Variants in PLD2 observed in about 807,000 individuals in gnomAD.
PLD2 encodes the protein phospholipase D2.
A neutral mutation model predicts 119.8 loss-of-function variants in PLD2; 101 were observed. The ratio of observed to expected loss-of-function variants is 0.84; its 90% CI spans 0.72 to 0.99. The LOEUF (loss-of-function observed/expected upper bound fraction) is 0.99. Among genes scored for constraint, PLD2 ranks in the 50% least tolerant of loss-of-function variants. The pLI is 0.00. For synonymous variants in PLD2, 494 were observed against 482.8 expected (o/e 1.02, Z -0.30); for missense variants, 1,164 against 1,226.8 (o/e 0.95, Z 0.76).
intron 17 of PLD2, 178 bp downstream of exon 17, chr17:4,817,437 C>T (rs1219053143): frequency 1.5e-5 from 9 of 606,152 alleles, no homozygotes; most frequent in East Asian, 2.8e-5. Context: ...CCAAGGCAGG[C>T]GGATCACAAG....
chr17:4,817,084 G>A, intron 16 of PLD2, 29 bp downstream of exon 16: 3 of 1,607,280 alleles, frequency 1.9e-6, no homozygotes, highest in Non-Finnish European at 1.7e-6. Flanking sequence ...AGGGGCTGGA[G>A]GTAGGGAGGG....
chr17:4,814,563 G>C, intron 11 of PLD2, 62 bp downstream of exon 11: 5 of 1,612,948 alleles, frequency 3.1e-6, no homozygotes, highest in Non-Finnish European at 4.2e-6. Context: ...ATCAGCATTA[G>C]GAGGAGAAGG....
chr17:4,811,008 A>G (rs1906408195), intron 10 of PLD2, 57 bp downstream of exon 10: 1 of 1,519,562 alleles, frequency 6.6e-7, no homozygotes, highest in Non-Finnish European at 8.9e-7. Flanking sequence ...CCCCTGTGTA[A>G]TCTCTGAGTC....
chr17:4,812,237 C>T (rs547899747), intron 10 of PLD2, among the ~76,000 whole-genome samples: 3 of 151,982 alleles, frequency 2.0e-5, no homozygotes, highest in African/African-American at 4.8e-5. Flanking sequence ...CTGCCTCAGC[C>T]TCCCAAGTAG....
At chr17:4,820,587 T>C (rs868114409) in intron 23 of PLD2, among the ~76,000 whole-genome samples, 9 of 143,228 alleles carry the variant, frequency 6.3e-5, no homozygotes, top group African/African-American at 2.3e-4. Context: ...TTTTTTTTTC[T>C]TTTTTTTTGA....
chr17:4,816,840 G>A, intron 15 of PLD2, 94 bp downstream of exon 15: 2 of 1,586,260 alleles, frequency 1.3e-6, no homozygotes, highest in Non-Finnish European at 8.6e-7. Flanking sequence ...GGTCAACGGT[G>A]GTACAGCCCT....
rs1249418003 is a variant in PLD2 at position 4,817,219 on chromosome 17, TC to T, written c.1779del (p.Phe594SerfsTer61). On this transcript the variant is annotated frameshift_variant, in exon 17 of 25. Coordinates refer to ENST00000263088, the MANE Select transcript of PLD2 (RefSeq NM_002663.5). LOFTEE classifies it high-confidence loss of function. ...LPKSTSTANQLPFTLPGGQCT... is the reference protein window; with the variant it reads ...LPKSTSTANQXPFTLPGGQCT... ...AAGTCTACCAGCACGGCCAATCAGC[TC>T]CCCTTCACACTTCCAGGAGGGCAGT... 5.6e-6 allele frequency: 9 copies of T among 1,613,270 alleles called. No individual in the cohort carries two copies. In the Admixed American group the frequency reaches 8.3e-5, roughly 15 times the overall value.
intron 10 of PLD2, among the ~76,000 whole-genome samples, chr17:4,811,661 G>A (rs907308498): frequency 2.0e-5 from 3 of 152,172 alleles, no homozygotes; most frequent in Non-Finnish European, 2.9e-5. Flanking sequence ...TGATCAAATC[G>A]TGAAACAATG....
chr17:4,813,688 G>A (rs939514358), intron 10 of PLD2, among the ~76,000 whole-genome samples: 3 of 151,564 alleles, frequency 2.0e-5, no homozygotes, highest in East Asian at 2.0e-4. Flanking sequence ...GCAAAAACCC[G>A]TCTCTACTAA....
In PLD2 at chr17:4,809,359, C is replaced by T. The variant is rs1338742757; in HGVS notation, c.551C>T (p.Ala184Val). Reference protein sequence around the residue: ...LTMSFYRNYHAMTEFLEVSQL... With the variant: ...LTMSFYRNYHVMTEFLEVSQL... ...ATGTCTTTCTATCGCAACTACCATG[C>T]CATGGTAAGGTCCAGGGGCCGATTT... Residue 184 changes from alanine to valine, a missense_variant, in exon 6 of 25, where the codon GCC becomes GTC. Coordinates refer to ENST00000263088, the MANE Select transcript of PLD2 (RefSeq NM_002663.5). 4 of 1,612,724 alleles carry T rather than the reference C, an allele frequency of 2.5e-6. No homozygotes were observed. The highest frequency in any genetic ancestry group is 1.1e-5 in the South Asian group (1 of 91,070).
In PLD2 at chr17:4,822,842, T is replaced by C; in HGVS notation, c.2780T>C (p.Ile927Thr). The C allele has an allele frequency of 8.7e-6, 14 of 1,608,198 alleles. No individual in the cohort carries two copies. The highest frequency in any genetic ancestry group is 1.2e-5 in the Non-Finnish European group (14 of 1,174,962). The part of the protein sequence containing the change: ...LPPLGSKEGM[I>T]PLEVWT ...CCGCTGGGTAGCAAGGAGGGCATGA[T>C]CCCCCTAGAAGTGTGGACATAGTTG... is the stretch of plus-strand genomic sequence containing the variant. The change falls in exon 25 of 25, where the codon ATC (isoleucine) becomes ACC (threonine). Residue 927 changes from isoleucine (I) to threonine (T), a missense_variant. By Grantham distance (89) the Ile-to-Thr change is moderately conservative. Transcript: ENST00000263088.
At chr17:4,820,570 A>G (rs1473247745) in intron 23 of PLD2, among the ~76,000 whole-genome samples, 2 of 140,442 alleles carry the variant, frequency 1.4e-5, no homozygotes, top group Non-Finnish European at 3.1e-5. Context: ...AAAAAAAAAA[A>G]ATCTTTTTTT....
At position 4,819,286 on chromosome 17, in the gene PLD2, A is replaced by G. The variant is rs992190816; in HGVS notation, c.2308+68A>G. The G allele has an allele frequency of 2.5e-6, 4 of 1,603,236 alleles. No homozygotes were observed. Among genetic ancestry groups the G allele is most frequent in the Non-Finnish European group, 3.4e-6 (4 of 1,173,280 alleles). ...GACAGGCGAAGAGATGAGAGGCAGGATGACAGAGACTGCAGCTGAGGCTCG... is the reference window on the plus strand; with the variant it reads ...GACAGGCGAAGAGATGAGAGGCAGGGTGACAGAGACTGCAGCTGAGGCTCG... On this transcript the variant is annotated intron_variant, in intron 22 of 24. Transcript: ENST00000263088. This position sits in a 1 kb window ranked among gnomAD's most constrained non-coding sequence, Gnocchi z 4.2.
chr17:4,820,590 T>A (rs1157696330), intron 23 of PLD2, among the ~76,000 whole-genome samples: 1 of 146,614 alleles, frequency 6.8e-6, no homozygotes, highest in Non-Finnish European at 1.5e-5. Context: ...TTTTTTCTTT[T>A]TTTTTGAGAG....
In PLD2 at chr17:4,814,415, C is replaced by T; in HGVS notation, c.1011-3C>T. The T allele has an allele frequency of 2.5e-6, 4 of 1,608,864 alleles. No homozygotes were observed. Among genetic ancestry groups the T allele is most frequent in the Non-Finnish European group, 3.4e-6 (4 of 1,178,274 alleles). ...TGACCTCCTTGGCTTGGCCTCCCCC[C>T]AGGTTTGTGAATGGGGCAGGTTACT... On this transcript the variant is annotated splice_polypyrimidine_tract_variant and splice_region_variant and intron_variant, in intron 10 of 24. Transcript: ENST00000263088.
intron 14 of PLD2, 85 bp downstream of exon 14, chr17:4,816,019 C>T (rs894645121): frequency 6.8e-5 from 69 of 1,010,650 alleles, no homozygotes; most frequent in Non-Finnish European, 8.1e-5. Context: ...CTTACCCCCT[C>T]AGTCATTCCA....
Position 4,808,509 on chromosome 17 carries a change from G to A in PLD2, c.383+93G>A. 7.9e-7 allele frequency: 1 copy of A among 1,268,898 alleles called. No individual in the cohort carries two copies. The highest frequency in any genetic ancestry group is 1.1e-6 in the Non-Finnish European group (1 of 894,958). The allele number at this position is 1,268,898 out of a possible 1,614,324, so 78.6% of individuals were successfully genotyped here. A position where few individuals can be genotyped will look rare whatever the true frequency, so the allele number is the denominator to read the frequency against. On this transcript the variant is annotated intron_variant, in intron 4 of 24. Transcript: ENST00000263088. This position sits in a 1 kb window ranked among gnomAD's most constrained non-coding sequence, Gnocchi z 4.1. ...CCCGGGGCCACAACCTTTCCTCCCTGCAACTCTGGCCACTGTGCTGCCTCC... is the reference window on the plus strand; with the variant it reads ...CCCGGGGCCACAACCTTTCCTCCCTACAACTCTGGCCACTGTGCTGCCTCC...
Position 4,807,555 on chromosome 17 carries a change from G to C in PLD2, c.-1-217G>C. The C allele has an allele frequency of 2.3e-6, 1 of 434,746 alleles. No homozygotes were observed. Among genetic ancestry groups the C allele is most frequent in the Admixed American group, 3.6e-5 (1 of 28,012 alleles). 26.9% of individuals were successfully genotyped at this position (434,746 alleles called of 1,614,324 possible). ...GTTACGGGACGGGGCGGGGGGCGGG[G>C]GGCGGGACTGGGATTGTGGATGAAG... On this transcript the variant is annotated intron_variant, in intron 1 of 24. Transcript: ENST00000263088. This position sits in a 1 kb window ranked among gnomAD's most constrained non-coding sequence, Gnocchi z 5.4.
Position 4,808,985 on chromosome 17 carries a change from C to T in PLD2, c.384-115C>T, listed in dbSNP as rs559634052. 3.4e-5 allele frequency: 27 copies of T among 790,206 alleles called. No homozygotes were observed. Among genetic ancestry groups the T allele is most frequent in the Middle Eastern group, 2.4e-4 (1 of 4,206 alleles). The allele number at this position is 790,206 out of a possible 1,614,324, so 48.9% of individuals were successfully genotyped here. Reference sequence around the variant, plus strand: ...CTGGGATTCCAGGCGTGAGCCACCACGCCTGGCCACCTCCAGGCCTCTTCT... The same window carrying T: ...CTGGGATTCCAGGCGTGAGCCACCATGCCTGGCCACCTCCAGGCCTCTTCT... On this transcript the variant is annotated intron_variant, in intron 4 of 24. Transcript: ENST00000263088. The surrounding 1 kb of genome is among the most constrained non-coding windows in gnomAD (Gnocchi z 4.1).
Sources: gnomAD v4.1 joint callset for allele counts (sites outside exome capture counted in the v4.1 genomes callset) on GRCh38, gnomAD v4.1.1 for gene constraint, Gnocchi (gnomAD v3.1) non-coding constraint, MANE v1.5 for transcripts, NCBI Gene and HGNC (gene_info 2026-07-23, HGNC 2026-07-21) for gene names.